Variants in OSBPL6 observed in about 807,000 individuals in gnomAD.
OSBPL6 encodes oxysterol binding protein like 6, also known as oxysterol-binding protein-related protein 6.
OSBPL6 carries 49 observed loss-of-function variants against 125.8 expected under a neutral mutation model. That is an observed-to-expected ratio of 0.39 (90% CI 0.31 to 0.49). OSBPL6 has a LOEUF of 0.49. Ranked by LOEUF, OSBPL6 falls within the 20% of genes least tolerant of loss-of-function variation. OSBPL6 has a pLI of 0.88. For synonymous variants in OSBPL6, 394 were observed against 391.8 expected, an observed-to-expected ratio of 1.01 and a Z score of -0.07; for missense variants, 986 against 1,135.4, an observed-to-expected ratio of 0.87 and a Z score of 1.89.
intron 1 of OSBPL6, among the ~76,000 whole-genome samples, chr2:178,272,416 C>T (rs16866202): frequency 0.014 from 2,098 of 152,202 alleles, 30 homozygotes; most frequent in East Asian, 0.067. Context: ...TCACTGTATA[C>T]GCAGATCTTG....
chr2:178,395,521 C>T lies in OSBPL6; in HGVS notation c.2767C>T (p.Pro923Ser). ...NDTYWELRKD[P>S]GFSKVDSPVL... ...CACCTACTGGGAGCTTCGAAAGGAC[C>T]CTGGGTTTAGCAAAGTAGACAGCCC... The change falls in exon 25 of 25, where the codon CCT (proline) becomes TCT (serine). Residue 923 changes from proline (P) to serine (S), a missense_variant. Pro to Ser is a moderately conservative substitution (Grantham distance 74). This residue lies in a region of OSBPL6 where 843 missense variants were observed against 997.3 expected (regional missense o/e 0.85). Transcript: ENST00000190611. 6.2e-7 allele frequency: 1 copy of T among 1,613,636 alleles called. No individual in the cohort carries two copies. Among genetic ancestry groups the T allele is most frequent in the East Asian group, 2.2e-5 (1 of 44,856 alleles).
intron 9 of OSBPL6, among the ~76,000 whole-genome samples, chr2:178,338,494 A>G (rs977995510): frequency 1.3e-5 from 2 of 152,218 alleles, no homozygotes; most frequent in African/African-American, 4.8e-5. Context: ...AGAAATTTTA[A>G]AGTCATTCAT....
intron 1 of OSBPL6, among the ~76,000 whole-genome samples, chr2:178,202,677 C>T (rs1022862935): frequency 2.2e-4 from 33 of 151,946 alleles, no homozygotes; most frequent in African/African-American, 7.5e-4. Flanking sequence ...CAAAAATTGG[C>T]CGGGCGTGGT....
intron 1 of OSBPL6, among the ~76,000 whole-genome samples, chr2:178,205,674 T>C (rs2089488198): frequency 6.6e-6 from 1 of 152,166 alleles, no homozygotes; most frequent in Non-Finnish European, 1.5e-5. Context: ...CAGCAGGAGA[T>C]ATTTCCCGTA....
chr2:178,340,754 T>C (rs1480497438), intron 11 of OSBPL6, among the ~76,000 whole-genome samples: 1 of 152,188 alleles, frequency 6.6e-6, no homozygotes, highest in Non-Finnish European at 1.5e-5. Flanking sequence ...TCTGAATAAT[T>C]AACAAAATAA....
At chr2:178,336,159 AT>A in intron 8 of OSBPL6, 141 bp from the exon 9 acceptor site, 1 of 1,088,700 alleles carries the variant, frequency 9.2e-7, no homozygotes, top group East Asian at 2.4e-5. Flanking sequence ...CACAAACCAC[AT>A]TTAGCCAAGA....
rs1320628270 is a variant in OSBPL6, at chr2:178,394,394, T to C, written c.2655T>C (p.Tyr885=). 20 of 1,613,178 alleles carry C rather than the reference T, an allele frequency of 1.2e-5. No homozygotes were observed. The highest frequency in any genetic ancestry group is 1.5e-5 in the Non-Finnish European group (18 of 1,179,722). Residue 885 remains tyrosine, a synonymous_variant, in exon 24 of 25, where the codon TAT becomes TAC. Transcript: ENST00000190611. ...VEELQRSRRR[Y]MEENNLEHIP... ...AACTCCAGAGATCTCGGAGACGATATATGGAAGAAAACAATCTTGAACATA... is the reference window on the plus strand; with the variant it reads ...AACTCCAGAGATCTCGGAGACGATACATGGAAGAAAACAATCTTGAACATA...
chr2:178,292,462 AG>A, intron 2 of OSBPL6, among the ~76,000 whole-genome samples: 1 of 152,300 alleles, frequency 6.6e-6, no homozygotes, highest in East Asian at 1.9e-4. Context: ...ACAAAGATGA[AG>A]GAAAAACACA....
Position 178,315,902 on chromosome 2 carries a change from C to T in OSBPL6, c.103-8275C>T, listed in dbSNP as rs1182120773. Among the ~76,000 whole-genome samples, 6 of 152,268 alleles carry T rather than the reference C, an allele frequency of 3.9e-5. No homozygotes were observed. In the South Asian group the frequency reaches 1.0e-3, roughly 26 times the overall value. On this transcript the variant is annotated intron_variant, in intron 3 of 24. Coordinates refer to ENST00000190611, the MANE Select transcript of OSBPL6 (RefSeq NM_032523.4). ...TTACAGAGAACATTTTTAGGTGTTT[C>T]ATTAGAACTATAAAAACGTCATCCC...
At position 178,317,767 on chromosome 2, in the gene OSBPL6, C is replaced by T. The variant is rs543275382; in HGVS notation, c.103-6410C>T. 4.3e-3 allele frequency among the ~76,000 whole-genome samples: 648 copies of T among 150,722 alleles called. 5 individuals are homozygous for T. Among genetic ancestry groups the T allele is most frequent in the South Asian group, 0.026 (125 of 4,788 alleles). ...TTTGCTTGTATTGTTAGCAAAATCA[C>T]GTAAGTGATTATCATACTAAAAAAT... On this transcript the variant is annotated intron_variant, in intron 3 of 24. Transcript: ENST00000190611.
At position 178,324,169 on chromosome 2, in the gene OSBPL6, A is replaced by C; in HGVS notation, c.103-8A>C. 1.3e-6 allele frequency: 2 copies of C among 1,502,598 alleles called. No individual in the cohort carries two copies. Among genetic ancestry groups the C allele is most frequent in the South Asian group, 2.6e-5 (2 of 78,368 alleles). The allele number at this position is 1,502,598 out of a possible 1,614,324, so 93.1% of individuals were successfully genotyped here. A position where few individuals can be genotyped will look rare whatever the true frequency, so the allele number is the denominator to read the frequency against. On this transcript the variant is annotated splice_polypyrimidine_tract_variant and splice_region_variant and intron_variant, in intron 3 of 24. Coordinates refer to ENST00000190611, the MANE Select transcript of OSBPL6 (RefSeq NM_032523.4). The stretch of plus-strand genomic sequence containing the variant: ...CTAACCCTGGGCTATGTTTTCATTT[A>C]TTTTCAGAGTATTCACATACTGGAG...
At chr2:178,220,263 T>TA (rs1274657730) in intron 1 of OSBPL6, among the ~76,000 whole-genome samples, 4 of 152,134 alleles carry the variant, frequency 2.6e-5, no homozygotes, top group Non-Finnish European at 4.4e-5. Flanking sequence ...TGCCTTTTTT[T>TA]AAGTTAAAAA....
In OSBPL6 at chr2:178,228,806, T is replaced by C. The variant is rs192984904; in HGVS notation, c.-351+34132T>C. On this transcript the variant is annotated intron_variant, in intron 1 of 24. Transcript: ENST00000190611. ...CTAAATTTTCATCAGAAATACTTGA[T>C]CTATATTTAGATTTCATAAAATTTA... is the stretch of plus-strand genomic sequence containing the variant. Among the ~76,000 whole-genome samples the C allele has an allele frequency of 3.2e-3, 484 of 152,332 alleles. 2 individuals carry two copies. The highest frequency in any genetic ancestry group is 4.7e-3 in the Non-Finnish European group (320 of 68,018).
At chr2:178,338,039 T>C (rs780767419) in intron 9 of OSBPL6, among the ~76,000 whole-genome samples, 6 of 149,380 alleles carry the variant, frequency 4.0e-5, no homozygotes, top group Non-Finnish European at 8.9e-5. Context: ...CCTCCCTGGT[T>C]CAAGAGATTC....
At chr2:178,299,060 C>A (rs1686028669) in intron 2 of OSBPL6, among the ~76,000 whole-genome samples, 1 of 152,158 alleles carries the variant, frequency 6.6e-6, no homozygotes, top group African/African-American at 2.4e-5. Flanking sequence ...TGTTAGCAGT[C>A]ATTGAAACCA....
At chr2:178,238,653 G>T (rs1392849204) in intron 1 of OSBPL6, among the ~76,000 whole-genome samples, 1 of 152,164 alleles carries the variant, frequency 6.6e-6, no homozygotes, top group African/African-American at 2.4e-5. Flanking sequence ...GACTGCAAAA[G>T]TTATGGCCAT....
intron 3 of OSBPL6, among the ~76,000 whole-genome samples, chr2:178,321,547 G>A (rs1179079212): frequency 1.3e-5 from 2 of 152,074 alleles, no homozygotes; most frequent in Non-Finnish European, 2.9e-5. Flanking sequence ...TCAAGGTAGT[G>A]GATTAATTTT....
intron 8 of OSBPL6, among the ~76,000 whole-genome samples, chr2:178,334,797 C>T (rs980861637): frequency 8.5e-5 from 13 of 152,222 alleles, no homozygotes; most frequent in African/African-American, 2.7e-4. Context: ...GCTGGGATTA[C>T]AGGCGTGAGC....
chr2:178,233,765 A>G (rs1172500782), intron 1 of OSBPL6, among the ~76,000 whole-genome samples: 1 of 152,200 alleles, frequency 6.6e-6, no homozygotes, highest in Non-Finnish European at 1.5e-5. Flanking sequence ...TTGAGTCTTT[A>G]GTGACAGTAC....
Sources: gnomAD v4.1 joint callset for allele counts (sites outside exome capture counted in the v4.1 genomes callset) on GRCh38, gnomAD v4.1.1 for gene constraint, gnomAD v4.1.1 regional missense constraint, MANE v1.5 for transcripts, NCBI Gene and HGNC (gene_info 2026-07-23, HGNC 2026-07-21) for gene names.